PAN2: variants seen among roughly 807,000 people sequenced by gnomAD.
The protein encoded by PAN2 is poly(A) specific ribonuclease subunit PAN2.
In PAN2, 68 loss-of-function variants were observed where a neutral mutation model predicts 133.3. The ratio of observed to expected loss-of-function variants is 0.51; its 90% CI spans 0.42 to 0.62. The LOEUF (loss-of-function observed/expected upper bound fraction) is 0.62. PAN2 is among the 20% of genes least tolerant of loss of function. The pLI is 0.00. For synonymous variants in PAN2, 462 were observed against 544.6 expected, an observed-to-expected ratio of 0.85 and a Z score of 2.11; for missense variants, 1,042 against 1,500.5, an observed-to-expected ratio of 0.69 and a Z score of 5.05.
chr12:56,327,916 A>G (rs1378336269), intron 5 of PAN2, 79 bp downstream of exon 5: 2 of 1,596,318 alleles, frequency 1.3e-6, no homozygotes, highest in African/African-American at 2.7e-5. Context: ...TACACCCCAG[A>G]GTTAAGGGAA....
chr12:56,320,096 TC>T, intron 20 of PAN2, 75 bp from the exon 21 acceptor site: 1 of 1,397,914 alleles, frequency 7.2e-7, no homozygotes, highest in Non-Finnish European at 1.0e-6. Flanking sequence ...GTGTGGCTGA[TC>T]ATCGACTCTG....
chr12:56,327,476 C>CA lies in PAN2; in HGVS notation c.806dup (p.Tyr270ValfsTer2). On this transcript the variant is annotated frameshift_variant, in exon 6 of 26. Transcript: ENST00000440411. LOFTEE classifies it high-confidence loss of function. ...TGGCACGCATCATGCGCAAATCATA[C>CA]ACCTTGAGGAAACGGTCGCAGGCCA... The CA allele has an allele frequency of 6.2e-7, 1 of 1,614,212 alleles. No homozygotes were observed. The highest frequency in any genetic ancestry group is 8.5e-7 in the Non-Finnish European group (1 of 1,180,044).
chr12:56,325,262 AATCCTTTCTCAT>A (rs762756971), intron 9 of PAN2, 61 bp downstream of exon 9: 191 of 1,599,462 alleles, frequency 1.2e-4, no homozygotes, highest in Non-Finnish European at 1.5e-4. Context: ...TGAGTCCTTC[AATCCTTTCTCAT>A]ATGACTTCCT....
chr12:56,328,384 G>C, intron 3 of PAN2, 26 bp from the exon 4 acceptor site: 1 of 1,593,694 alleles, frequency 6.3e-7, no homozygotes, highest in Non-Finnish European at 8.6e-7. Flanking sequence ...AAGGCTAAGG[G>C]GCCCAGGCCT....
intron 10 of PAN2, 105 bp downstream of exon 10, chr12:56,324,904 T>TA: frequency 7.0e-7 from 1 of 1,435,856 alleles, no homozygotes; most frequent in Non-Finnish European, 9.5e-7. Context: ...GAGACCATGG[T>TA]AAAGAGAACA....
At chr12:56,320,487 A>C (rs541744292) in intron 20 of PAN2, among the ~76,000 whole-genome samples, 26 of 151,860 alleles carry the variant, frequency 1.7e-4, no homozygotes, top group African/African-American at 4.6e-4. Flanking sequence ...ATTAGACACA[A>C]AAAAAAATTA....
Position 56,326,655 on chromosome 12 carries a change from G to A in PAN2, c.1224C>T (p.Leu408=), listed in dbSNP as rs931731153. 6 of 1,614,046 alleles carry A rather than the reference G, an allele frequency of 3.7e-6. No individual in the cohort carries two copies. The highest frequency in any genetic ancestry group is 4.2e-6 in the Non-Finnish European group (5 of 1,179,934). Reference sequence around the variant, plus strand: ...CAGAGTTGGCAGCAGGCCAATCAGAGAGAAGTGTGTCAGTGGTGAGTGGGA... The same window carrying A: ...CAGAGTTGGCAGCAGGCCAATCAGAAAGAAGTGTGTCAGTGGTGAGTGGGA... ...IPVPLTTDTL[L]SDWPAANSAP... Residue 408 remains leucine (L), a synonymous_variant, in exon 7 of 26, where the codon CTC becomes CTT. Coordinates refer to ENST00000440411, the MANE Select transcript of PAN2 (RefSeq NM_014871.6).
Position 56,324,466 on chromosome 12 carries a change from T to C in PAN2, c.1756A>G (p.Thr586Ala). The change falls in exon 12 of 26, where the codon ACT becomes GCT. Residue 586 changes from threonine (T) to alanine (A), a missense_variant. By Grantham distance (58) the Thr-to-Ala change is moderately conservative (BLOSUM62 0). This residue lies in a region of PAN2 where 908 missense variants were observed against 1,223.5 expected (regional missense o/e 0.74). Coordinates refer to ENST00000440411, the MANE Select transcript of PAN2 (RefSeq NM_014871.6). ...CCGAGGGCTGAGGCCTCAGGAATAG[T>C]ACGGAATGCCCGAAGAAAATTATTG... ...QGNNFLRAFR[T>A]IPEASALGLI... The C allele has an allele frequency of 6.2e-7, 1 of 1,613,842 alleles. No homozygotes were observed. Among genetic ancestry groups the C allele is most frequent in the Non-Finnish European group, 8.5e-7 (1 of 1,179,780 alleles).
rs1458316425 is a variant in PAN2 at position 56,324,106 on chromosome 12, C to G, written c.2008G>C (p.Gly670Arg). 2 of 1,614,134 alleles carry G rather than the reference C, an allele frequency of 1.2e-6. No homozygotes were observed. ...EMENCSLCRC[G>R]SETVRASSTL... Reference sequence around the variant, plus strand: ...GATGAGGCTCGCACGGTCTCACTGCCACAGCGGCAGAGGCTGCAGTTCTCC... The same window carrying G: ...GATGAGGCTCGCACGGTCTCACTGCGACAGCGGCAGAGGCTGCAGTTCTCC... Residue 670 changes from glycine (G) to arginine (R), a missense_variant, in exon 13 of 26, where the codon GGC (glycine) becomes CGC (arginine). By Grantham distance (125) the Gly-to-Arg change is moderately radical (BLOSUM62 -2). Coordinates refer to ENST00000440411, the MANE Select transcript of PAN2 (RefSeq NM_014871.6).
At chr12:56,322,972 C>T in intron 17 of PAN2, 90 bp downstream of exon 17, 1 of 1,505,664 alleles carries the variant, frequency 6.6e-7, no homozygotes, top group Non-Finnish European at 9.2e-7. Flanking sequence ...CCTTTTCCCT[C>T]TGCTAAGTTT....
chr12:56,324,934 A>G, intron 10 of PAN2, 75 bp downstream of exon 10: 1 of 1,551,630 alleles, frequency 6.4e-7, no homozygotes, highest in Non-Finnish European at 8.8e-7. Flanking sequence ...AGACCTGGAA[A>G]GAGCAGGGTC....
chr12:56,325,856 A>G (rs1172582656), intron 8 of PAN2, among the ~76,000 whole-genome samples: 3 of 152,258 alleles, frequency 2.0e-5, no homozygotes, highest in African/African-American at 7.2e-5. Context: ...TCCCCCTCAG[A>G]TATGTGTTTT....
At chr12:56,325,624 A>G (rs1349145370) in intron 8 of PAN2, among the ~76,000 whole-genome samples, 170 bp from the exon 9 acceptor site, 1 of 152,192 alleles carries the variant, frequency 6.6e-6, no homozygotes, top group Non-Finnish European at 1.5e-5. Context: ...CTGCTTCAGC[A>G]CAGATGGACA....
At chr12:56,326,201 A>G (rs1323704025) in intron 8 of PAN2, 112 bp downstream of exon 8, 11 of 951,306 alleles carry the variant, frequency 1.2e-5, no homozygotes, top group Non-Finnish European at 1.5e-5. Flanking sequence ...AGTTCCATCA[A>G]TTTGGTTGGT....
At chr12:56,322,043 T>C in intron 20 of PAN2, 35 bp downstream of exon 20, 3 of 1,143,148 alleles carry the variant, frequency 2.6e-6, no homozygotes, top group Non-Finnish European at 4.0e-6. Flanking sequence ...CAATCTAAAC[T>C]GTCCACACAC....
intron 20 of PAN2, among the ~76,000 whole-genome samples, 182 bp downstream of exon 20, chr12:56,321,896 T>C (rs928427082): frequency 2.0e-5 from 3 of 152,032 alleles, no homozygotes; most frequent in Non-Finnish European, 2.9e-5. Flanking sequence ...GATCTTGCTA[T>C]GTTGCTCAGG....
chr12:56,333,425 C>A, intron 1 of PAN2: 1 of 342,688 alleles, frequency 2.9e-6, no homozygotes, highest in East Asian at 5.3e-5. Flanking sequence ...TACTCTCCAC[C>A]ACCCCATTAT....
intron 1 of PAN2, 87 bp from the exon 2 acceptor site, chr12:56,333,295 T>C (rs1363654456): frequency 1.0e-5 from 6 of 576,536 alleles, no homozygotes; most frequent in African/African-American, 1.9e-5. Flanking sequence ...AGGAGGGAGA[T>C]GAGGCAGGCA....
intron 5 of PAN2, 34 bp from the exon 6 acceptor site, chr12:56,327,665 T>A (rs1396444834): frequency 6.2e-7 from 1 of 1,608,640 alleles, no homozygotes; most frequent in South Asian, 1.1e-5. Flanking sequence ...CTGCAAATTC[T>A]GTTATCAGGA....
Sources: allele counts gnomAD v4.1 joint callset (sites outside exome capture counted in the v4.1 genomes callset), GRCh38; gene constraint gnomAD v4.1.1; regional missense constraint gnomAD v4.1.1; transcripts MANE v1.5; gene names NCBI Gene and HGNC (gene_info 2026-07-23, HGNC 2026-07-21).